The following TCFL5 variants were observed in gnomAD, a reference collection of about 807,000 sequenced individuals.
TCFL5 encodes the protein transcription factor-like 5 protein.
In TCFL5, 9 loss-of-function variants were observed where a neutral mutation model predicts 44.3. That is an observed-to-expected ratio of 0.20 (90% CI 0.12 to 0.35). The LOEUF (loss-of-function observed/expected upper bound fraction) is 0.35, where lower values mean the gene tolerates loss of function less well. Among genes scored for constraint, TCFL5 ranks in the 10% least tolerant of loss-of-function variants. The probability of loss-of-function intolerance (pLI) is 1.00; values close to 1 mark genes in which losing one functional copy is unlikely to be tolerated. For missense variants in TCFL5, 603 were observed against 613.4 expected (o/e 0.98, Z 0.18); for synonymous variants, 319 against 271.6 (o/e 1.17, Z -1.72).
Position 62,861,524 on chromosome 20 carries a change from C to A in TCFL5, c.147G>T (p.Met49Ile). 8.5e-7 allele frequency: 1 copy of A among 1,179,080 alleles called. No homozygotes were observed. Among genetic ancestry groups the A allele is most frequent in the Non-Finnish European group, 1.1e-6 (1 of 938,248 alleles). The allele number at this position is 1,179,080 out of a possible 1,614,324, so 73.0% of individuals were successfully genotyped here. ...FTTTDLSLVE[M>I]TEVEYTQLQH... ...GCAGCTGCGTGTACTCCACCTCCGT[C>A]ATCTCCACCAGGCTCAGGTCGGTGG... Residue 49 changes from methionine to isoleucine, a missense_variant, in exon 1 of 6, where the codon ATG becomes ATT. Physicochemically the swap from Met to Ile is conservative, Grantham distance 10 (BLOSUM62 1). This residue lies in a region of TCFL5 where 540 missense variants were observed against 478.7 expected (regional missense o/e 1.13). Coordinates refer to ENST00000335351, the MANE Select transcript of TCFL5 (RefSeq NM_006602.4). The surrounding 1 kb of genome is among the most constrained non-coding windows in gnomAD (Gnocchi z 4.0).
chr20:62,852,634 G>A, intron 5 of TCFL5: 1 of 974,720 alleles, frequency 1.0e-6, no homozygotes, highest in Non-Finnish European at 1.2e-6. Context: ...TAGTCACCCA[G>A]TCCACAGAAG....
chr20:62,854,556 T>A (rs1166455855), intron 4 of TCFL5, among the ~76,000 whole-genome samples: 3 of 152,214 alleles, frequency 2.0e-5, no homozygotes, highest in Non-Finnish European at 4.4e-5. Context: ...CAGATAACTC[T>A]GTCATTCAAG....
At position 62,860,296 on chromosome 20, in the gene TCFL5, G is replaced by A. The variant is rs151286308; in HGVS notation, c.660C>T (p.Leu220=). The change falls in exon 2 of 6, where the codon CTC becomes CTT. Residue 220 remains leucine, a synonymous_variant. Coordinates refer to ENST00000335351, the MANE Select transcript of TCFL5 (RefSeq NM_006602.4). ...PGGALNNLVT[L]IRHPSELMNV... is the part of the protein sequence containing the mutation. ...TCATTAGTTCAGATGGATGTCGAAT[G>A]AGAGTTACCAAACTGCCAAGACAAA... The A allele has an allele frequency of 5.6e-4, 903 of 1,606,354 alleles. 1 individual carries two copies. Among genetic ancestry groups the A allele is most frequent in the Middle Eastern group, 9.9e-4 (6 of 6,056 alleles).
rs985671782 is a variant in TCFL5 at position 62,859,417 on chromosome 20, G to A, written c.941C>T (p.Thr314Met). The change falls in exon 3 of 6, where the codon ACG becomes ATG. Residue 314 changes from threonine (T) to methionine (M), a missense_variant. By Grantham distance (81) the Thr-to-Met change is moderately conservative (BLOSUM62 -1). This residue lies in a region of TCFL5 where 540 missense variants were observed against 478.7 expected (regional missense o/e 1.13). Transcript: ENST00000335351. ...YQQEIESTKQ[T>M]LGSRNKVLPE... is the part of the protein sequence containing the mutation. ...CAAAACTTTGTTTCTACTACCTAAC[G>A]TCTGTTTAGTGGATTCAATTTCTTG... 19 of 1,613,542 alleles carry A rather than the reference G, an allele frequency of 1.2e-5. No homozygotes were observed. Among genetic ancestry groups the A allele is most frequent in the Middle Eastern group, 1.7e-4 (1 of 6,058 alleles).
chr20:62,859,634 T>C (rs1568795879), intron 2 of TCFL5, 108 bp from the exon 3 acceptor site: 1 of 1,005,840 alleles, frequency 9.9e-7, no homozygotes, highest in Non-Finnish European at 1.4e-6. Context: ...AACACGTAAT[T>C]TGAAGAACTT....
At chr20:62,854,685 C>T (rs1255084252) in intron 4 of TCFL5, among the ~76,000 whole-genome samples, 2 of 152,242 alleles carry the variant, frequency 1.3e-5, no homozygotes, top group African/African-American at 2.4e-5. Context: ...TATTCTGAAA[C>T]TTGGTCTTTG....
At chr20:62,860,035 GA>G (rs1000309056) in intron 2 of TCFL5, 89 bp downstream of exon 2, 112 of 1,323,224 alleles carry the variant, frequency 8.5e-5, no homozygotes, top group South Asian at 9.9e-5. Flanking sequence ...TCACTGAAGG[GA>G]AAAAAAAGTA....
At chr20:62,856,835 A>G (rs2063899970) in intron 4 of TCFL5, among the ~76,000 whole-genome samples, 1 of 152,028 alleles carries the variant, frequency 6.6e-6, no homozygotes, top group Admixed American at 6.5e-5. Flanking sequence ...CCCTTAGTGG[A>G]GTCTGCAAAC....
chr20:62,859,648 T>C lies in TCFL5; in HGVS notation c.832-122A>G, dbSNP rs2063955040. The stretch of plus-strand genomic sequence containing the variant: ...TAACACGTAATTTGAAGAACTTTAG[T>C]TGCACTGAAGATTTAAAAATATTCG... On this transcript the variant is annotated intron_variant, in intron 2 of 5. Coordinates refer to ENST00000335351, the MANE Select transcript of TCFL5 (RefSeq NM_006602.4). 4 of 863,946 alleles carry C rather than the reference T, an allele frequency of 4.6e-6. No homozygotes were observed. Among genetic ancestry groups the C allele is most frequent in the African/African-American group, 3.5e-5 (2 of 56,932 alleles). 53.5% of individuals were successfully genotyped at this position (863,946 alleles called of 1,614,324 possible).
At chr20:62,859,583 A>C in intron 2 of TCFL5, 57 bp from the exon 3 acceptor site, 1 of 1,510,788 alleles carries the variant, frequency 6.6e-7, no homozygotes, top group Non-Finnish European at 8.9e-7. Context: ...TCTCCTCTTT[A>C]CTGCACAAAT....
At chr20:62,844,884 C>T (rs565570817) in intron 5 of TCFL5, 50 of 985,208 alleles carry the variant, frequency 5.1e-5, no homozygotes, top group Middle Eastern at 5.2e-4. Context: ...GCGGGAGCCA[C>T]GGTTCCCAGT....
intron 5 of TCFL5, 126 bp downstream of exon 5, chr20:62,853,890 T>C (rs1414129255): frequency 7.9e-6 from 8 of 1,009,784 alleles, no homozygotes; most frequent in Admixed American, 2.2e-5. Flanking sequence ...TTGCTCATAC[T>C]GGACTTAGTA....
chr20:62,845,310 C>T (rs867063599), intron 5 of TCFL5: 67 of 866,254 alleles, frequency 7.7e-5, no homozygotes, highest in Middle Eastern at 5.4e-4. Context: ...TTAGTAGAGA[C>T]GGGGGTCACA....
intron 5 of TCFL5, among the ~76,000 whole-genome samples, chr20:62,846,864 C>T (rs1170953342): frequency 6.6e-6 from 1 of 151,610 alleles, no homozygotes; most frequent in Non-Finnish European, 1.5e-5. Context: ...AACTATGAGT[C>T]AGGAAAATAT....
intron 4 of TCFL5, among the ~76,000 whole-genome samples, chr20:62,857,081 C>T (rs1483492469): frequency 2.0e-5 from 3 of 152,198 alleles, no homozygotes; most frequent in African/African-American, 7.2e-5. Context: ...CCACAGGGCG[C>T]GCTCTTAGAA....
At chr20:62,860,735 G>GC (rs2063984427) in intron 1 of TCFL5, among the ~76,000 whole-genome samples, 1 of 152,196 alleles carries the variant, frequency 6.6e-6, no homozygotes, top group Non-Finnish European at 1.5e-5. Flanking sequence ...ATCCAAGAGT[G>GC]CCACCCGGAG....
intron 5 of TCFL5, chr20:62,845,485 C>T (rs558231295): frequency 1.4e-6 from 2 of 1,392,338 alleles, no homozygotes; most frequent in Non-Finnish European, 1.9e-6. Flanking sequence ...TTGATAATTT[C>T]CTATATTCTG....
Position 62,854,103 on chromosome 20 carries a change from A to G in TCFL5, c.1293T>C (p.Asn431=). 1.9e-6 allele frequency: 3 copies of G among 1,614,184 alleles called. No individual in the cohort carries two copies. In the South Asian group the frequency reaches 3.3e-5, roughly 18 times the overall value. The change falls in exon 5 of 6, where the codon AAT becomes AAC. Residue 431 remains asparagine (N), a synonymous_variant. Coordinates refer to ENST00000335351, the MANE Select transcript of TCFL5 (RefSeq NM_006602.4). ...GAGTTGTGGCCTTGTCAGTCTCGGC[A>G]TTGCAGAACGGCACTAAGAGATTCA... ...DELNLLVPFC[N]AETDKATTLQ...
intron 4 of TCFL5, 54 bp downstream of exon 4, chr20:62,857,341 T>C (rs1297677067): frequency 6.3e-7 from 1 of 1,596,742 alleles, no homozygotes; most frequent in Non-Finnish European, 8.6e-7. Flanking sequence ...GATAACCATG[T>C]ATGACTAAGG....
Sources: gnomAD v4.1 joint callset for allele counts (sites outside exome capture counted in the v4.1 genomes callset) on GRCh38, gnomAD v4.1.1 for gene constraint, gnomAD v4.1.1 regional missense constraint, Gnocchi (gnomAD v3.1) non-coding constraint, MANE v1.5 for transcripts, NCBI Gene and HGNC (gene_info 2026-07-23, HGNC 2026-07-21) for gene names.